Variants in RNF121 observed in about 807,000 individuals in gnomAD.
RNF121 encodes the protein ring finger protein 121, also known as E3 ubiquitin ligase RNF121.
In RNF121, 21 loss-of-function variants were observed where a neutral mutation model predicts 46.5. The observed-to-expected ratio is 0.45, with a 90% CI of 0.32 to 0.65. The LOEUF (loss-of-function observed/expected upper bound fraction) is 0.65. Among genes scored for constraint, RNF121 ranks in the 30% least tolerant of loss-of-function variants. The pLI is 0.04. For synonymous variants in RNF121, 139 were observed against 144.7 expected (o/e 0.96, Z 0.28); for missense variants, 346 against 416.0 (o/e 0.83, Z 1.46).
At chr11:71,977,981 T>C (rs1397370854) in intron 3 of RNF121, 2 of 274,424 alleles carry the variant, frequency 7.3e-6, no homozygotes, top group African/African-American at 4.7e-5. Flanking sequence ...CTTTTAGCCA[T>C]TTATATGCCT....
rs1275302627 is a variant in RNF121 at position 71,987,001 on chromosome 11, C to T, written c.399-3C>T. On this transcript the variant is annotated splice_region_variant and splice_polypyrimidine_tract_variant and intron_variant, in intron 4 of 8. Coordinates refer to ENST00000361756, the MANE Select transcript of RNF121 (RefSeq NM_018320.5). ...CTGCACTAACCTTCTCTCCTTTCCC[C>T]AGGTTGGTTTATAAGTGGTTCCTGC... 2 of 1,577,644 alleles carry T rather than the reference C, an allele frequency of 1.3e-6. No individual in the cohort carries two copies. Among genetic ancestry groups the T allele is most frequent in the Non-Finnish European group, 1.7e-6 (2 of 1,146,860 alleles).
At chr11:71,948,945 GT>G (rs5792563) in intron 1 of RNF121, among the ~76,000 whole-genome samples, 140,078 of 152,174 alleles carry the variant, frequency 0.92, 64,774 homozygotes, top group Non-Finnish European at 0.98. Flanking sequence ...AACCTACCAG[GT>G]TTCATGAGCT....
In RNF121 at chr11:71,995,550, C is replaced by T; in HGVS notation, c.862C>T (p.Pro288Ser). The change falls in exon 8 of 9, where the codon CCC becomes TCC. Residue 288 changes from proline to serine, a missense_variant and splice_region_variant. This residue lies in a region of RNF121 where 286 missense variants were observed against 383.8 expected (regional missense o/e 0.75). Transcript: ENST00000361756. ...KVDLKRMFSN[P>S]WERPHVMYGQ... ...AGACCTCAAGAGGATGTTCAGCAAT[C>T]CGTATCCTTTATTGGGGTCGTTGTT... 1 of 1,579,952 alleles carries T rather than the reference C, an allele frequency of 6.3e-7. No homozygotes were observed. Among genetic ancestry groups the T allele is most frequent in the African/African-American group, 1.3e-5 (1 of 74,448 alleles).
In RNF121 at chr11:71,982,918, GAGAGTTTA is replaced by G; in HGVS notation, c.398+6_398+13del. ...CCTCTAGTACAGACAACCCCAAGGTGAGAGTTTAAGTAGTGGGAAGAGCCCAGGTTTTC... is the reference window on the plus strand; with the variant it reads ...CCTCTAGTACAGACAACCCCAAGGTGAGTAGTGGGAAGAGCCCAGGTTTTC... On this transcript the variant is annotated splice_donor_5th_base_variant and intron_variant, in intron 4 of 8. Transcript: ENST00000361756. 6.2e-7 allele frequency: 1 copy of G among 1,603,662 alleles called. No homozygotes were observed. Among genetic ancestry groups the G allele is most frequent in the Non-Finnish European group, 8.5e-7 (1 of 1,175,586 alleles).
chr11:71,940,052 T>C (rs920311859), intron 1 of RNF121, among the ~76,000 whole-genome samples: 1 of 152,180 alleles, frequency 6.6e-6, no homozygotes, highest in Non-Finnish European at 1.5e-5. Flanking sequence ...TTCTTAAAAG[T>C]TTATCATGTG....
At chr11:71,936,047 C>T (rs1953399333) in intron 1 of RNF121, among the ~76,000 whole-genome samples, 2 of 151,590 alleles carry the variant, frequency 1.3e-5, no homozygotes, top group Non-Finnish European at 2.9e-5. Flanking sequence ...CAGGGTTTCA[C>T]CGTGTTAGCC....
At chr11:71,933,185 C>T (rs1257219430) in intron 1 of RNF121, among the ~76,000 whole-genome samples, 1 of 152,200 alleles carries the variant, frequency 6.6e-6, no homozygotes, top group Non-Finnish European at 1.5e-5. Context: ...AGAAAGCTAG[C>T]TTGGGAATTA....
chr11:71,947,204 T>G (rs1027771332), intron 1 of RNF121, among the ~76,000 whole-genome samples: 1 of 152,090 alleles, frequency 6.6e-6, no homozygotes, highest in African/African-American at 2.4e-5. Context: ...TAATTGAATT[T>G]CTTACTTAAA....
chr11:71,974,856 A>G (rs938081092), intron 3 of RNF121, among the ~76,000 whole-genome samples: 2 of 152,172 alleles, frequency 1.3e-5, no homozygotes, highest in African/African-American at 4.8e-5. Flanking sequence ...GAGACAGAAA[A>G]TCTGGATTGG....
At chr11:71,976,773 G>A (rs1227957646) in intron 3 of RNF121, among the ~76,000 whole-genome samples, 1 of 152,160 alleles carries the variant, frequency 6.6e-6, no homozygotes, top group African/African-American at 2.4e-5. Context: ...CCTGTTTCAT[G>A]TGAGCTACTA....
intron 7 of RNF121, 55 bp from the exon 8 acceptor site, chr11:71,995,395 T>C: frequency 7.1e-7 from 1 of 1,404,546 alleles, no homozygotes; most frequent in African/African-American, 1.4e-5. Flanking sequence ...AAAGACTGTC[T>C]GGGGCTGGAG....
chr11:71,954,282 A>G (rs1953941678), intron 1 of RNF121, among the ~76,000 whole-genome samples: 1 of 152,102 alleles, frequency 6.6e-6, no homozygotes, highest in South Asian at 2.1e-4. Context: ...ACTGGTTTGG[A>G]TGTAACTTAA....
intron 3 of RNF121, among the ~76,000 whole-genome samples, chr11:71,970,979 G>T (rs903167229): frequency 4.6e-5 from 7 of 152,192 alleles, no homozygotes; most frequent in African/African-American, 1.7e-4. Context: ...TGAGAAAACT[G>T]ACTCACCACA....
intron 3 of RNF121, among the ~76,000 whole-genome samples, chr11:71,963,891 G>A (rs6592451): frequency 0.89 from 135,231 of 152,262 alleles, 60,309 homozygotes; most frequent in Non-Finnish European, 0.94. Context: ...TCTTTTGCAG[G>A]TACCACATTG....
At chr11:71,963,638 A>T (rs1954196441) in intron 3 of RNF121, among the ~76,000 whole-genome samples, 1 of 152,154 alleles carries the variant, frequency 6.6e-6, no homozygotes, top group Admixed American at 6.5e-5. Context: ...AGAGTTTTAT[A>T]GTCTTAGCTC....
At chr11:71,961,300 T>G (rs1954127647) in intron 3 of RNF121, among the ~76,000 whole-genome samples, 1 of 152,104 alleles carries the variant, frequency 6.6e-6, no homozygotes, top group Non-Finnish European at 1.5e-5. Flanking sequence ...GTGGCTCATG[T>G]TTGTAATCCT....
At chr11:71,940,966 A>C (rs1328077265) in intron 1 of RNF121, among the ~76,000 whole-genome samples, 2 of 152,258 alleles carry the variant, frequency 1.3e-5, no homozygotes, top group African/African-American at 4.8e-5. Context: ...GAGACGTTAA[A>C]CAGCGTGGAA....
At chr11:71,963,308 T>C (rs4944243) in intron 3 of RNF121, among the ~76,000 whole-genome samples, 140,082 of 152,152 alleles carry the variant, frequency 0.92, 64,793 homozygotes, top group Non-Finnish European at 0.98. Flanking sequence ...TAGAGATTAC[T>C]CTTATGTTTT....
chr11:71,945,328 T>G (rs1953688404), intron 1 of RNF121, among the ~76,000 whole-genome samples: 1 of 152,178 alleles, frequency 6.6e-6, no homozygotes, highest in East Asian at 1.9e-4. Context: ...GATTTTTAAT[T>G]TTTTTCACAT....
Sources: allele counts gnomAD v4.1 joint callset (sites outside exome capture counted in the v4.1 genomes callset), GRCh38; gene constraint gnomAD v4.1.1; regional missense constraint gnomAD v4.1.1; transcripts MANE v1.5; gene names NCBI Gene and HGNC (gene_info 2026-07-23, HGNC 2026-07-21).